DOCK3: variants seen among roughly 807,000 people sequenced by gnomAD.
DOCK3 encodes the protein dedicator of cytokinesis protein 3.
A neutral mutation model predicts 265.6 loss-of-function variants in DOCK3; 60 were observed. That is an observed-to-expected ratio of 0.23 (90% CI 0.18 to 0.28). The LOEUF is 0.28. DOCK3 is among the 10% of genes least tolerant of loss of function. DOCK3 has a pLI of 1.00. For missense variants in DOCK3, 1,981 were observed against 2,594.3 expected, an observed-to-expected ratio of 0.76 and a Z score of 5.14; for synonymous variants, 881 against 938.0, an observed-to-expected ratio of 0.94 and a Z score of 1.11.
At chr3:51,182,870 G>T (rs964295052) in intron 12 of DOCK3, among the ~76,000 whole-genome samples, 2 of 152,204 alleles carry the variant, frequency 1.3e-5, no homozygotes, top group African/African-American at 4.8e-5. Flanking sequence ...CTCCAGCTCT[G>T]TAACTCATGC....
At chr3:51,260,891 G>A (rs892310964) in intron 23 of DOCK3, among the ~76,000 whole-genome samples, 6 of 152,018 alleles carry the variant, frequency 3.9e-5, no homozygotes, top group Admixed American at 2.6e-4. Flanking sequence ...GGCTGAGGCA[G>A]GAGAATTGCT....
intron 9 of DOCK3, among the ~76,000 whole-genome samples, chr3:51,124,279 A>G (rs1280497801): frequency 6.6e-6 from 1 of 152,180 alleles, no homozygotes; most frequent in East Asian, 1.9e-4. Flanking sequence ...GTGACCCCTC[A>G]CAGACCCTGC....
intron 6 of DOCK3, 37 bp from the exon 7 acceptor site, chr3:51,075,319 T>A: frequency 6.4e-7 from 1 of 1,550,684 alleles, no homozygotes; most frequent in Non-Finnish European, 8.8e-7. Flanking sequence ...GTAATCTGAG[T>A]ACATGGCATA....
At chr3:51,033,579 A>G (rs140674608) in intron 5 of DOCK3, among the ~76,000 whole-genome samples, 31 of 152,350 alleles carry the variant, frequency 2.0e-4, no homozygotes, top group African/African-American at 7.0e-4. Flanking sequence ...TCTGTAGCTA[A>G]TCTGGATGCA....
In DOCK3 at chr3:51,294,140, C is replaced by A. The variant is rs145461089; in HGVS notation, c.2922+13936C>A. On this transcript the variant is annotated intron_variant, in intron 27 of 52. Transcript: ENST00000266037. ...GTATGTCAAAGAGATATGTACACTC[C>A]CATGTTCATTGCAGTGTTATTCACA... Among the ~76,000 whole-genome samples, 25 of 152,264 alleles carry A rather than the reference C, an allele frequency of 1.6e-4. 1 individual carries two copies. The highest frequency in any genetic ancestry group is 6.2e-4 in the South Asian group (3 of 4,816).
At chr3:51,322,251 G>A (rs889803172) in intron 32 of DOCK3, among the ~76,000 whole-genome samples, 3 of 152,160 alleles carry the variant, frequency 2.0e-5, no homozygotes, top group Admixed American at 6.5e-5. Context: ...CGCCCAGGCT[G>A]GAGTGCAGTG....
At chr3:51,264,952 C>T (rs1398823097) in intron 23 of DOCK3, among the ~76,000 whole-genome samples, 1 of 151,908 alleles carries the variant, frequency 6.6e-6, no homozygotes, top group Non-Finnish European at 1.5e-5. Flanking sequence ...AGATAGACTG[C>T]TAGCCAGACT....
chr3:50,827,765 G>T (rs1175297822), intron 2 of DOCK3, among the ~76,000 whole-genome samples: 1 of 152,056 alleles, frequency 6.6e-6, no homozygotes, highest in Non-Finnish European at 1.5e-5. Flanking sequence ...ATATAGTTAG[G>T]TGTAGGTGTA....
At chr3:51,216,703 C>G (rs1035817025) in intron 14 of DOCK3, among the ~76,000 whole-genome samples, 1 of 152,176 alleles carries the variant, frequency 6.6e-6, no homozygotes, top group Non-Finnish European at 1.5e-5. Context: ...AGTAGGTTTG[C>G]AGTCCCTGGG....
intron 1 of DOCK3, among the ~76,000 whole-genome samples, chr3:50,747,339 A>G (rs776254679): frequency 1.4e-4 from 22 of 152,082 alleles, no homozygotes; most frequent in Admixed American, 9.2e-4. Context: ...CAATTTGTCT[A>G]TTTCTATAAT....
chr3:50,812,765 A>G (rs1332771352), intron 2 of DOCK3, among the ~76,000 whole-genome samples: 1 of 152,206 alleles, frequency 6.6e-6, no homozygotes, highest in Non-Finnish European at 1.5e-5. Context: ...AAACACCCTC[A>G]CAGACACATC....
chr3:50,814,402 G>T (rs978066535), intron 2 of DOCK3, among the ~76,000 whole-genome samples: 4 of 150,368 alleles, frequency 2.7e-5, no homozygotes, highest in African/African-American at 4.9e-5. Context: ...GAGTAGCCGG[G>T]ACTACAGGCA....
chr3:51,251,139 G>C (rs544966793), intron 22 of DOCK3, among the ~76,000 whole-genome samples: 1 of 152,072 alleles, frequency 6.6e-6, no homozygotes, highest in Admixed American at 6.6e-5. Context: ...CTGTCCTTGC[G>C]ATAGTTTGCT....
Position 51,374,697 on chromosome 3 carries a change from G to T in DOCK3, c.5412+110G>T. The T allele has an allele frequency of 9.1e-7, 1 of 1,096,556 alleles. No homozygotes were observed. The highest frequency in any genetic ancestry group is 1.3e-6 in the Non-Finnish European group (1 of 752,830). The allele number at this position is 1,096,556 out of a possible 1,614,324, so 67.9% of individuals were successfully genotyped here. ...TTGTCCTACATGGCTCTCTCATTCCGCTGTAAGATCCCGCAAAAGGCCGCT... is the reference window on the plus strand; with the variant it reads ...TTGTCCTACATGGCTCTCTCATTCCTCTGTAAGATCCCGCAAAAGGCCGCT... On this transcript the variant is annotated intron_variant, in intron 50 of 52. Transcript: ENST00000266037. This position sits in a 1 kb window ranked among gnomAD's most constrained non-coding sequence, Gnocchi z 4.8.
intron 42 of DOCK3, 55 bp downstream of exon 42, chr3:51,356,310 A>G (rs1223819313): frequency 1.2e-6 from 2 of 1,606,726 alleles, no homozygotes; most frequent in Non-Finnish European, 1.7e-6. Context: ...GGGCAAGCTC[A>G]ACTTCCTTGG....
chr3:50,763,973 T>C (rs1576366380), intron 1 of DOCK3, among the ~76,000 whole-genome samples: 2 of 152,234 alleles, frequency 1.3e-5, no homozygotes, highest in East Asian at 3.8e-4. Flanking sequence ...ACATATTTCT[T>C]TGTTTGCTGT....
At chr3:51,172,285 C>A (rs2086721926) in intron 12 of DOCK3, among the ~76,000 whole-genome samples, 1 of 152,046 alleles carries the variant, frequency 6.6e-6, no homozygotes, top group Non-Finnish European at 1.5e-5. Context: ...CAGCAATTAT[C>A]CTGCCTCAGC....
chr3:51,153,082 GT>G (rs1576258202), intron 10 of DOCK3, among the ~76,000 whole-genome samples: 1 of 152,234 alleles, frequency 6.6e-6, no homozygotes, highest in African/African-American at 2.4e-5. Context: ...GCTGCCTTTT[GT>G]TCAGCTATGC....
At chr3:51,094,009 G>T (rs1321073944) in intron 9 of DOCK3, among the ~76,000 whole-genome samples, 1 of 152,144 alleles carries the variant, frequency 6.6e-6, no homozygotes, top group Non-Finnish European at 1.5e-5. Flanking sequence ...TGCCTCCCAG[G>T]GATGAAGCCA....
Sources: allele counts gnomAD v4.1 joint callset (sites outside exome capture counted in the v4.1 genomes callset), GRCh38; gene constraint gnomAD v4.1.1; non-coding constraint Gnocchi (gnomAD v3.1); transcripts MANE v1.5; gene names NCBI Gene and HGNC (gene_info 2026-07-23, HGNC 2026-07-21).